Variants in C2CD5 observed in about 807,000 individuals in gnomAD.
The protein encoded by C2CD5 is C2 domain-containing protein 5.
In C2CD5, 109 loss-of-function variants were observed where a neutral mutation model predicts 130.3. That is an observed-to-expected ratio of 0.84 (90% CI 0.72 to 0.98). The LOEUF is 0.98. Ranked by LOEUF, C2CD5 falls within the 50% of genes least tolerant of loss-of-function variation. The pLI is 0.00. For synonymous variants in C2CD5, 454 were observed against 429.2 expected (o/e 1.06, Z -0.71); for missense variants, 996 against 1,261.8 (o/e 0.79, Z 3.19).
Position 22,471,532 on chromosome 12 carries a change from A to G in C2CD5, c.2269-44T>C, listed in dbSNP as rs373267476. ...TAGTAATGTCACTTTTTTATTTAAA[A>G]ATTTTTAAAAGCTGATTTTTTTAAT... On this transcript the variant is annotated intron_variant, in intron 19 of 26. Coordinates refer to ENST00000446597, the MANE Select transcript of C2CD5 (RefSeq NM_001286176.2). The G allele has an allele frequency of 9.4e-5, 110 of 1,171,558 alleles. No individual in the cohort carries two copies. The African/African-American group carries it at 1.4e-3, about 15-fold the overall frequency. The allele number at this position is 1,171,558 out of a possible 1,614,324, so 72.6% of individuals were successfully genotyped here. A position where few individuals can be genotyped will look rare whatever the true frequency, so the allele number is the denominator to read the frequency against.
rs528202141 is a variant in C2CD5, at chr12:22,544,339, C to G, written c.-49G>C. 6.0e-6 allele frequency: 3 copies of G among 498,534 alleles called. No individual in the cohort carries two copies. In the African/African-American group the frequency reaches 6.2e-5, roughly 10 times the overall value. 30.9% of individuals were successfully genotyped at this position (498,534 alleles called of 1,614,324 possible). ...ACTCACTGTCGCAGGAGGAAGGGTG[C>G]TGTCCCGCGCGGGTGCTGAGACCTC... On this transcript the variant is annotated 5_prime_UTR_variant, in exon 1 of 27. Coordinates refer to ENST00000446597, the MANE Select transcript of C2CD5 (RefSeq NM_001286176.2).
intron 9 of C2CD5, among the ~76,000 whole-genome samples, chr12:22,511,465 T>C (rs2136834305): frequency 6.6e-6 from 1 of 152,296 alleles, no homozygotes; most frequent in African/African-American, 2.4e-5. Flanking sequence ...AGAGAAGTAC[T>C]CTCATAAACT....
At chr12:22,521,696 T>G (rs556794605) in intron 7 of C2CD5, among the ~76,000 whole-genome samples, 2 of 152,338 alleles carry the variant, frequency 1.3e-5, no homozygotes, top group East Asian at 3.9e-4. Context: ...CTTCGATTTA[T>G]TTAAAACAAT....
At chr12:22,508,082 G>A (rs1041379029) in intron 9 of C2CD5, among the ~76,000 whole-genome samples, 2 of 152,110 alleles carry the variant, frequency 1.3e-5, no homozygotes, top group African/African-American at 2.4e-5. Context: ...TTCAAGCATG[G>A]AGAATACAAA....
intron 14 of C2CD5, among the ~76,000 whole-genome samples, chr12:22,480,612 G>C (rs1253417403): frequency 6.6e-6 from 1 of 152,124 alleles, no homozygotes; most frequent in Non-Finnish European, 1.5e-5. Flanking sequence ...GTTATAGCTA[G>C]CAAAATGTTT....
chr12:22,523,079 T>C (rs544917934), intron 7 of C2CD5, among the ~76,000 whole-genome samples: 43 of 152,070 alleles, frequency 2.8e-4, no homozygotes, highest in African/African-American at 1.0e-3. Flanking sequence ...CTGGGCGTGG[T>C]GGCCTGCCCC....
chr12:22,504,823 A>G (rs947917081), intron 10 of C2CD5, among the ~76,000 whole-genome samples: 2 of 148,172 alleles, frequency 1.3e-5, no homozygotes, highest in African/African-American at 4.8e-5. Context: ...TCCTTAACAC[A>G]AAGATATAGA....
intron 7 of C2CD5, chr12:22,519,028 T>C: frequency 8.5e-7 from 1 of 1,177,022 alleles, no homozygotes; most frequent in Non-Finnish European, 1.2e-6. Flanking sequence ...TTATGGTACC[T>C]GCCTACACTA....
chr12:22,532,055 A>G (rs1201576460), intron 3 of C2CD5, among the ~76,000 whole-genome samples: 1 of 152,148 alleles, frequency 6.6e-6, no homozygotes, highest in African/African-American at 2.4e-5. Flanking sequence ...TATTATTCCC[A>G]GGCCGGGCAT....
At chr12:22,493,781 T>G (rs1003609640) in intron 10 of C2CD5, among the ~76,000 whole-genome samples, 8 of 151,970 alleles carry the variant, frequency 5.3e-5, no homozygotes. Flanking sequence ...CACTATATTG[T>G]GGGTTCTTTC....
At chr12:22,483,994 A>C (rs964778077) in intron 13 of C2CD5, among the ~76,000 whole-genome samples, 9 of 152,146 alleles carry the variant, frequency 5.9e-5, no homozygotes, top group Non-Finnish European at 7.4e-5. Flanking sequence ...AGATCTATAT[A>C]AGTTGATGAG....
intron 8 of C2CD5, 127 bp downstream of exon 8, chr12:22,517,859 C>T (rs1422492822): frequency 1.6e-6 from 1 of 632,178 alleles, no homozygotes; most frequent in Non-Finnish European, 2.7e-6. Flanking sequence ...TGAAAATGGT[C>T]AGTATTCACA....
chr12:22,538,808 T>G (rs1457627525), intron 2 of C2CD5, among the ~76,000 whole-genome samples: 1 of 152,228 alleles, frequency 6.6e-6, no homozygotes, highest in African/African-American at 2.4e-5. Flanking sequence ...CCTTTTTCTC[T>G]CTGCCTTTGT....
At chr12:22,504,961 G>T (rs1388901179) in intron 10 of C2CD5, among the ~76,000 whole-genome samples, 1 of 151,216 alleles carries the variant, frequency 6.6e-6, no homozygotes, top group Non-Finnish European at 1.5e-5. Flanking sequence ...GAAACGGGGG[G>T]AAAAAAAACT....
chr12:22,455,758 C>T (rs540500033), intron 25 of C2CD5, among the ~76,000 whole-genome samples: 1 of 152,144 alleles, frequency 6.6e-6, no homozygotes, highest in Non-Finnish European at 1.5e-5. Context: ...AATCTCGGCT[C>T]ACTGCAACCT....
chr12:22,480,803 A>AT (rs769196605), intron 14 of C2CD5, among the ~76,000 whole-genome samples: 7,494 of 145,468 alleles, frequency 0.052, 205 homozygotes, highest in Middle Eastern at 0.12. Flanking sequence ...TATAAAAGAA[A>AT]TTTTTTTTTT....
At chr12:22,468,986 C>T (rs1447549096) in intron 22 of C2CD5, among the ~76,000 whole-genome samples, 1 of 151,992 alleles carries the variant, frequency 6.6e-6, no homozygotes, top group Non-Finnish European at 1.5e-5. Flanking sequence ...TAGTGAAAAA[C>T]ACATACTACA....
intron 10 of C2CD5, among the ~76,000 whole-genome samples, chr12:22,499,819 T>C (rs1278636167): frequency 1.3e-5 from 2 of 152,192 alleles, no homozygotes; most frequent in African/African-American, 2.4e-5. Context: ...GCCAGAAACA[T>C]AAGCAGCATG....
chr12:22,456,816 G>A (rs948483991), intron 25 of C2CD5, among the ~76,000 whole-genome samples, 155 bp downstream of exon 25: 2 of 152,034 alleles, frequency 1.3e-5, no homozygotes, highest in Non-Finnish European at 2.9e-5. Flanking sequence ...AATCCTCGCT[G>A]CTAAATGAAA....
Sources: allele counts gnomAD v4.1 joint callset (sites outside exome capture counted in the v4.1 genomes callset), GRCh38; gene constraint gnomAD v4.1.1; transcripts MANE v1.5; gene names NCBI Gene and HGNC (gene_info 2026-07-23, HGNC 2026-07-21).